The following PTPRD variants were observed in gnomAD, a reference collection of about 807,000 sequenced individuals.
PTPRD encodes the protein receptor-type tyrosine-protein phosphatase delta.
Under a neutral mutation model 214.5 loss-of-function variants are expected in PTPRD, and 34 were observed. That is an observed-to-expected ratio of 0.16 (90% CI 0.12 to 0.21). PTPRD has a LOEUF of 0.21. Ranked by LOEUF, PTPRD falls within the 10% of genes least tolerant of loss-of-function variation. The pLI, the probability that PTPRD is intolerant of heterozygous loss-of-function variation, is 1.00. For missense variants in PTPRD, 2,545 were observed against 2,398.7 expected, an observed-to-expected ratio of 1.06 and a Z score of -1.27; for synonymous variants, 1,128 against 845.7, an observed-to-expected ratio of 1.33 and a Z score of -5.79.
chr9:8,902,933 T>C (rs1044049816), intron 11 of PTPRD, among the ~76,000 whole-genome samples: 12 of 152,176 alleles, frequency 7.9e-5, no homozygotes, highest in Non-Finnish European at 1.8e-4. Flanking sequence ...AGGTGCTTTA[T>C]TGTTTGTTTT....
intron 3 of PTPRD, among the ~76,000 whole-genome samples, chr9:10,215,943 G>C (rs965050763): frequency 6.6e-6 from 1 of 151,942 alleles, no homozygotes; most frequent in African/African-American, 2.4e-5. Context: ...TCAGAGGACA[G>C]ACCTTCACAC....
chr9:9,004,888 T>C (rs868250118), intron 11 of PTPRD, among the ~76,000 whole-genome samples: 7 of 152,060 alleles, frequency 4.6e-5, no homozygotes, highest in African/African-American at 1.2e-4. Flanking sequence ...AAACTGGGCT[T>C]ATTTTCAGTG....
chr9:9,167,016 C>T (rs993090206), intron 10 of PTPRD, among the ~76,000 whole-genome samples: 6 of 100,964 alleles, frequency 5.9e-5, no homozygotes, highest in Admixed American at 1.2e-4. Context: ...TAAGTCTTAT[C>T]TTAATCATTT....
chr9:10,011,535 A>G (rs1225931169), intron 4 of PTPRD, among the ~76,000 whole-genome samples: 1 of 152,014 alleles, frequency 6.6e-6, no homozygotes, highest in Non-Finnish European at 1.5e-5. Context: ...CCAAGGCACA[A>G]TAATAAATAG....
At chr9:8,539,652 T>C (rs1393148746) in intron 14 of PTPRD, among the ~76,000 whole-genome samples, 1 of 151,928 alleles carries the variant, frequency 6.6e-6, no homozygotes, top group African/African-American at 2.4e-5. Context: ...TAACATCACT[T>C]CCACAATATT....
At chr9:9,668,352 CTTA>C (rs1237856104) in intron 7 of PTPRD, among the ~76,000 whole-genome samples, 6 of 152,196 alleles carry the variant, frequency 3.9e-5, no homozygotes, top group African/African-American at 1.4e-4. Context: ...AAGGATTTTG[CTTA>C]TTTGGGGAAA....
chr9:8,903,426 G>A lies in PTPRD; in HGVS notation c.-104+115271C>T, dbSNP rs554513439. ...TTAGCATCATTATCCTGTCTTTAAAGTATTACCATTCCTGCTAATGTTTAT... is the reference window on the plus strand; with the variant it reads ...TTAGCATCATTATCCTGTCTTTAAAATATTACCATTCCTGCTAATGTTTAT... On this transcript the variant is annotated intron_variant, in intron 11 of 45. Coordinates refer to ENST00000381196, the MANE Select transcript of PTPRD (RefSeq NM_002839.4). Among the ~76,000 whole-genome samples the A allele has an allele frequency of 1.2e-4, 19 of 152,246 alleles. No individual in the cohort carries two copies. In the South Asian group the frequency reaches 3.5e-3, roughly 28 times the overall value.
intron 11 of PTPRD, among the ~76,000 whole-genome samples, chr9:8,927,907 G>A (rs1437526593): frequency 6.6e-6 from 1 of 152,092 alleles, no homozygotes; most frequent in Non-Finnish European, 1.5e-5. Flanking sequence ...ATTCTAACTG[G>A]CATGACATGG....
At chr9:8,885,397 C>T (rs1344521146) in intron 11 of PTPRD, among the ~76,000 whole-genome samples, 2 of 151,654 alleles carry the variant, frequency 1.3e-5, no homozygotes, top group Non-Finnish European at 2.9e-5. Context: ...AATTAAGGCT[C>T]ACAATGCCAC....
At chr9:9,097,111 G>C (rs1445205) in intron 10 of PTPRD, among the ~76,000 whole-genome samples, 4,724 of 152,238 alleles carry the variant, frequency 0.031, 161 homozygotes, top group African/African-American at 0.081. Context: ...TTGCATACAA[G>C]CAGGGCAACA....
intron 11 of PTPRD, among the ~76,000 whole-genome samples, chr9:8,764,653 G>C (rs1287756925): frequency 6.6e-6 from 1 of 151,962 alleles, no homozygotes; most frequent in Non-Finnish European, 1.5e-5. Context: ...AAATTAACCG[G>C]GTATAGTGGT....
intron 2 of PTPRD, among the ~76,000 whole-genome samples, chr9:10,492,433 T>C (rs986890309): frequency 6.6e-6 from 1 of 152,178 alleles, no homozygotes; most frequent in Non-Finnish European, 1.5e-5. Flanking sequence ...TATCTCATTG[T>C]GGTTTTGATT....
intron 10 of PTPRD, among the ~76,000 whole-genome samples, chr9:9,116,342 T>C (rs764596090): frequency 6.6e-6 from 1 of 152,128 alleles, no homozygotes; most frequent in Non-Finnish European, 1.5e-5. Context: ...CTGGAGGCCA[T>C]TATCCTAAGC....
intron 3 of PTPRD, among the ~76,000 whole-genome samples, chr9:10,071,963 C>T (rs1461800089): frequency 6.6e-6 from 1 of 151,454 alleles, no homozygotes; most frequent in Non-Finnish European, 1.5e-5. Flanking sequence ...ATGAAGAGAT[C>T]CTGTGTATTT....
At chr9:8,900,410 A>G (rs1475618628) in intron 11 of PTPRD, among the ~76,000 whole-genome samples, 2 of 152,222 alleles carry the variant, frequency 1.3e-5, no homozygotes, top group Non-Finnish European at 2.9e-5. Flanking sequence ...AAAAACTGTA[A>G]TAAAATGGCA....
intron 3 of PTPRD, among the ~76,000 whole-genome samples, chr9:10,056,459 T>C (rs528696864): frequency 1.6e-4 from 24 of 152,010 alleles, no homozygotes; most frequent in Non-Finnish European, 4.4e-5. Context: ...AAAAAAACTA[T>C]TGAATAAAGA....
chr9:9,712,474 C>G (rs1265289800), intron 7 of PTPRD, among the ~76,000 whole-genome samples: 1 of 152,152 alleles, frequency 6.6e-6, no homozygotes, highest in African/African-American at 2.4e-5. Context: ...ATGATGCTCT[C>G]TTTCAGTCAA....
Position 8,761,596 on chromosome 9 carries a change from A to G in PTPRD, c.-103-27650T>C, listed in dbSNP as rs116508305. Among the ~76,000 whole-genome samples, 762 of 152,326 alleles carry G rather than the reference A, an allele frequency of 5.0e-3. 7 individuals are homozygous for G. Among genetic ancestry groups the G allele is most frequent in the African/African-American group, 0.018 (734 of 41,586 alleles). On this transcript the variant is annotated intron_variant, in intron 11 of 45. Transcript: ENST00000381196. ...AGGTTAGTAGAAAGAACTAAAATAC[A>G]TCAAATGTGTCTCCTAAGGAGTTAC...
intron 3 of PTPRD, among the ~76,000 whole-genome samples, chr9:10,188,445 T>C (rs1036098093): frequency 2.6e-5 from 4 of 152,202 alleles, no homozygotes; most frequent in Non-Finnish European, 5.9e-5. Context: ...TTCCTAGACT[T>C]AATTTATAAC....
Sources: gnomAD v4.1 joint callset for allele counts (sites outside exome capture counted in the v4.1 genomes callset) on GRCh38, gnomAD v4.1.1 for gene constraint, MANE v1.5 for transcripts, NCBI Gene and HGNC (gene_info 2026-07-23, HGNC 2026-07-21) for gene names.